The following F5 variants were observed in gnomAD, a reference collection of about 807,000 sequenced individuals.
The protein encoded by F5 is activated protein c cofactor.
Under a neutral mutation model 216.4 loss-of-function variants are expected in F5, and 138 were observed. The ratio of observed to expected loss-of-function variants is 0.64; its 90% confidence interval spans 0.56 to 0.73. The LOEUF (loss-of-function observed/expected upper bound fraction) is 0.73, where lower values mean the gene tolerates loss of function less well. Ranked by LOEUF, F5 falls within the 30% of genes least tolerant of loss-of-function variation. The pLI, the probability that F5 is intolerant of heterozygous loss-of-function variation, is 0.00. For missense variants in F5, 2,403 were observed against 2,674.0 expected, an observed-to-expected ratio of 0.90 and a Z score of 2.24; for synonymous variants, 916 against 930.7, an observed-to-expected ratio of 0.98 and a Z score of 0.29.
intron 8 of F5, among the ~76,000 whole-genome samples, chr1:169,551,865 C>T (rs572979997): frequency 1.3e-5 from 2 of 152,304 alleles, no homozygotes; most frequent in South Asian, 4.1e-4. Flanking sequence ...CTGAGGAAAA[C>T]TCCGTGCTCT....
chr1:169,585,531 T>C (rs558991659), intron 1 of F5, among the ~76,000 whole-genome samples: 1 of 152,296 alleles, frequency 6.6e-6, no homozygotes, highest in South Asian at 2.1e-4. Context: ...AACTCAAGGA[T>C]AGTATTTTAT....
intron 3 of F5, among the ~76,000 whole-genome samples, chr1:169,571,129 T>C (rs1165719207): frequency 2.0e-5 from 3 of 152,152 alleles, no homozygotes; most frequent in Non-Finnish European, 4.4e-5. Context: ...ATGGATACAA[T>C]TTTTTATACC....
intron 2 of F5, among the ~76,000 whole-genome samples, chr1:169,576,204 A>C (rs576867271): frequency 5.9e-5 from 9 of 152,234 alleles, no homozygotes; most frequent in Non-Finnish European, 1.3e-4. Context: ...TAAAAGAATA[A>C]ATTTGTGTTG....
intron 3 of F5, among the ~76,000 whole-genome samples, chr1:169,568,435 A>T (rs1015670737): frequency 1.3e-5 from 2 of 152,050 alleles, no homozygotes; most frequent in African/African-American, 4.8e-5. Context: ...TGTATCTTTG[A>T]TTTTACAACA....
At chr1:169,566,449 T>C (rs1261648740) in intron 3 of F5, among the ~76,000 whole-genome samples, 1 of 152,106 alleles carries the variant, frequency 6.6e-6, no homozygotes, top group African/African-American at 2.4e-5. Flanking sequence ...AATATCATCT[T>C]ACACCCTTCT....
rs775894468 is a variant in F5, at chr1:169,544,518, T to C, written c.1763-10A>G. On this transcript the variant is annotated splice_polypyrimidine_tract_variant and intron_variant, in intron 11 of 24. Coordinates refer to ENST00000367797, the MANE Select transcript of F5 (RefSeq NM_000130.5). ...ACATAGCCATTGATAGCTGAAAGTG[T>C]AAAATCTGTTAAAATTCCAAGTCTA... is the stretch of plus-strand genomic sequence containing the variant. The C allele has an allele frequency of 1.7e-5, 28 of 1,609,158 alleles. No individual in the cohort carries two copies. The South Asian group carries it at 2.8e-4, about 16-fold the overall frequency.
chr1:169,538,061 G>C (rs928087773), intron 13 of F5, among the ~76,000 whole-genome samples: 3 of 152,118 alleles, frequency 2.0e-5, no homozygotes, highest in African/African-American at 7.2e-5. Context: ...CATTAGCCAA[G>C]ATAGGGAAGC....
chr1:169,528,301 C>T (rs1287174806), intron 16 of F5, among the ~76,000 whole-genome samples: 1 of 152,210 alleles, frequency 6.6e-6, no homozygotes, highest in Non-Finnish European at 1.5e-5. Context: ...ATCATTCACA[C>T]CAGCCTACAG....
At chr1:169,572,728 G>A (rs1387555333) in intron 2 of F5, among the ~76,000 whole-genome samples, 1 of 152,122 alleles carries the variant, frequency 6.6e-6, no homozygotes, top group Non-Finnish European at 1.5e-5. Flanking sequence ...CTCTGACATG[G>A]GTGTGCTCAG....
chr1:169,559,099 G>A (rs1454868236), intron 5 of F5, 54 bp downstream of exon 5: 62 of 1,608,042 alleles, frequency 3.9e-5, no homozygotes, highest in Middle Eastern at 1.7e-4. Context: ...AAACAGGACC[G>A]AAAAATTACT....
intron 4 of F5, 69 bp from the exon 5 acceptor site, chr1:169,559,365 C>A: frequency 6.5e-7 from 1 of 1,536,340 alleles, no homozygotes; most frequent in African/African-American, 1.4e-5. Context: ...TCCTGGATAG[C>A]AAAGAGTTTA....
intron 2 of F5, among the ~76,000 whole-genome samples, chr1:169,580,032 T>C (rs1339358504): frequency 3.3e-5 from 5 of 152,188 alleles, no homozygotes. Context: ...TCCACAAATA[T>C]ACCATACTCT....
rs746433591 is a variant in F5, at chr1:169,552,710, A to G, written c.1143T>C (p.Asp381=). 3 of 1,611,792 alleles carry G rather than the reference A, an allele frequency of 1.9e-6. No individual in the cohort carries two copies. Among genetic ancestry groups the G allele is most frequent in the Non-Finnish European group, 2.5e-6 (3 of 1,179,250 alleles). Residue 381 remains aspartate (D), a synonymous_variant, in exon 8 of 25, where the codon GAT becomes GAC. Coordinates refer to ENST00000367797, the MANE Select transcript of F5 (RefSeq NM_000130.5). ...MDKKYRSQHL[D]NFSNQIGKHY... is the part of the protein sequence containing the mutation. ...GTTTTCCAATTTGGTTTGAGAAATT[A>G]TCCAAATGCTGAGACCTGTATTTTC...
At chr1:169,517,551 G>C (rs1490111625) in intron 23 of F5, among the ~76,000 whole-genome samples, 3 of 152,124 alleles carry the variant, frequency 2.0e-5, no homozygotes, top group African/African-American at 2.4e-5. Flanking sequence ...GATTTAGTTG[G>C]CTGAAGGGAT....
chr1:169,575,586 T>A (rs1280541294), intron 2 of F5, among the ~76,000 whole-genome samples: 1 of 152,036 alleles, frequency 6.6e-6, no homozygotes, highest in Non-Finnish European at 1.5e-5. Flanking sequence ...GAGATTATGA[T>A]GAGATGATGA....
At chr1:169,571,720 G>A (rs1328635294) in intron 3 of F5, among the ~76,000 whole-genome samples, 1 of 152,084 alleles carries the variant, frequency 6.6e-6, no homozygotes, top group East Asian at 1.9e-4. Flanking sequence ...TGTATGACTT[G>A]AGGGAAAGAA....
chr1:169,577,112 G>A (rs1264341504), intron 2 of F5, among the ~76,000 whole-genome samples: 1 of 152,046 alleles, frequency 6.6e-6, no homozygotes, highest in African/African-American at 2.4e-5. Flanking sequence ...TCTCCTCAGT[G>A]CCCAAAGCTG....
chr1:169,546,510 T>C lies in F5; in HGVS notation c.1694A>G (p.Lys565Arg). 6.2e-7 allele frequency: 1 copy of C among 1,614,160 alleles called. No homozygotes were observed. The highest frequency in any genetic ancestry group is 8.5e-7 in the Non-Finnish European group (1 of 1,180,006). Residue 565 changes from lysine to arginine, a missense_variant, in exon 11 of 25, where the codon AAG (lysine) becomes AGG (arginine). Physicochemically the swap from Lys to Arg is conservative, Grantham distance 26. This residue lies in a region of F5 where 1,425 missense variants were observed against 1,554.8 expected (regional missense o/e 0.92). Coordinates refer to ENST00000367797, the MANE Select transcript of F5 (RefSeq NM_000130.5). ...KSWYLEDNIN[K>R]FCENPDEVKR... Reference sequence around the variant, plus strand: ...CACCTCATCAGGATTTTCACAAAACTTGTTGATGTTGTCCTCAAGGTACCA... The same window carrying C: ...CACCTCATCAGGATTTTCACAAAACCTGTTGATGTTGTCCTCAAGGTACCA...
intron 16 of F5, among the ~76,000 whole-genome samples, chr1:169,528,698 A>G (rs1163438474): frequency 6.6e-6 from 1 of 152,150 alleles, no homozygotes; most frequent in Non-Finnish European, 1.5e-5. Flanking sequence ...TACTCTCCCC[A>G]CAGTAAAATA....
Sources: gnomAD v4.1 joint callset for allele counts (sites outside exome capture counted in the v4.1 genomes callset) on GRCh38, gnomAD v4.1.1 for gene constraint, gnomAD v4.1.1 regional missense constraint, MANE v1.5 for transcripts, NCBI Gene and HGNC (gene_info 2026-07-23, HGNC 2026-07-21) for gene names.